NKD2: variants seen among roughly 807,000 people sequenced by gnomAD.
NKD2 encodes protein naked cuticle homolog 2.
In NKD2, 43 loss-of-function variants were observed where a neutral mutation model predicts 34.8. That is an observed-to-expected ratio of 1.24 (90% confidence interval 0.97 to 1.60). The LOEUF (loss-of-function observed/expected upper bound fraction) is 1.60, where lower values mean the gene tolerates loss of function less well. Among genes scored for constraint, NKD2 ranks in the 40% most tolerant of loss-of-function variants. The pLI is 0.00. For missense variants in NKD2, 675 were observed against 627.1 expected, an observed-to-expected ratio of 1.08 and a Z score of -0.82; for synonymous variants, 278 against 265.1, an observed-to-expected ratio of 1.05 and a Z score of -0.47.
Position 1,037,876 on chromosome 5 carries a change from C to G in NKD2, c.859C>G (p.Gln287Glu). Residue 287 changes from glutamine to glutamate, a missense_variant, in exon 10 of 10, where the codon CAG becomes GAG. Physicochemically the swap from Gln to Glu is conservative, Grantham distance 29. Coordinates refer to ENST00000296849, the MANE Select transcript of NKD2 (RefSeq NM_033120.4). ...ASHLQARSRSQEPDTHAVHHR... is the reference protein window; with the variant it reads ...ASHLQARSRSEEPDTHAVHHR... ...GCACCTCCAGGCCCGGTCCCGCTCCCAGGAGCCAGATACACATGCCGTACA... is the reference window on the plus strand; with the variant it reads ...GCACCTCCAGGCCCGGTCCCGCTCCGAGGAGCCAGATACACATGCCGTACA... The G allele has an allele frequency of 1.2e-6, 2 of 1,604,438 alleles. No homozygotes were observed.
At position 1,038,889 on chromosome 5, in the gene NKD2, GGC is replaced by G. The variant is rs1734168027; in HGVS notation, c.*517_*518del. 3.4e-5 allele frequency: 8 copies of G among 238,610 alleles called. No individual in the cohort carries two copies. Among genetic ancestry groups the G allele is most frequent in the Admixed American group, 3.2e-4 (6 of 18,838 alleles). 14.8% of individuals were successfully genotyped at this position (238,610 alleles called of 1,614,324 possible). A position where few individuals can be genotyped will look rare whatever the true frequency, so the allele number is the denominator to read the frequency against. ...CTTGTGCTTAGCAGGGAGCATCCGC[GGC>G]TCCCCGCAGGAGGCCAAGCAGCAGA... On this transcript the variant is annotated 3_prime_UTR_variant, in exon 10 of 10. Coordinates refer to ENST00000296849, the MANE Select transcript of NKD2 (RefSeq NM_033120.4). The surrounding 1 kb of genome is among the most constrained non-coding windows in gnomAD (Gnocchi z 4.5).
intron 3 of NKD2, among the ~76,000 whole-genome samples, chr5:1,012,921 A>G (rs927821199): frequency 8.5e-5 from 13 of 152,232 alleles, no homozygotes; most frequent in Non-Finnish European, 1.9e-4. Flanking sequence ...AAAATTCTTC[A>G]TGGCTTCAAG....
intron 4 of NKD2, 77 bp from the exon 5 acceptor site, chr5:1,033,295 C>CA: frequency 7.4e-7 from 1 of 1,346,920 alleles, no homozygotes; most frequent in South Asian, 1.4e-5. Context: ...GAGGGGAGAG[C>CA]AGCGAGGGTC....
intron 3 of NKD2, among the ~76,000 whole-genome samples, chr5:1,010,828 G>A (rs1162587338): frequency 3.3e-5 from 5 of 152,228 alleles, no homozygotes; most frequent in South Asian, 4.1e-4. Flanking sequence ...CACCTCTCTC[G>A]TGGTCAGGGC....
chr5:1,012,560 C>T (rs920952265), intron 3 of NKD2, among the ~76,000 whole-genome samples: 2 of 152,254 alleles, frequency 1.3e-5, no homozygotes, highest in Admixed American at 1.3e-4. Context: ...CTGTCCAGGG[C>T]TGAGCTCCAG....
At chr5:1,035,541 C>T (rs1180561528) in intron 8 of NKD2, 68 bp downstream of exon 8, 3 of 1,273,756 alleles carry the variant, frequency 2.4e-6, no homozygotes, top group Non-Finnish European at 2.2e-6. Flanking sequence ...CCCCTGCTTC[C>T]CGCAGGCCAC....
At chr5:1,020,828 AGTC>A (rs1193152234) in intron 3 of NKD2, among the ~76,000 whole-genome samples, 1 of 152,040 alleles carries the variant, frequency 6.6e-6, no homozygotes, top group Non-Finnish European at 1.5e-5. Flanking sequence ...TGGTGTGGTC[AGTC>A]GTCCCCTTAG....
At position 1,009,757 on chromosome 5, in the gene NKD2, G is replaced by A. The variant is rs1755677505; in HGVS notation, c.141+197G>A. 6.6e-6 allele frequency among the ~76,000 whole-genome samples: 1 copy of A among 152,194 alleles called. No homozygotes were observed. Reference sequence around the variant, plus strand: ...TGGGGCTCCCGTGGGGCGAGCCCTTGCTAGTGTCCCATGCTGAGTGGCGGG... The same window carrying A: ...TGGGGCTCCCGTGGGGCGAGCCCTTACTAGTGTCCCATGCTGAGTGGCGGG... On this transcript the variant is annotated intron_variant, in intron 3 of 9. Coordinates refer to ENST00000296849, the MANE Select transcript of NKD2 (RefSeq NM_033120.4). This position sits in a 1 kb window ranked among gnomAD's most constrained non-coding sequence, Gnocchi z 6.9.
intron 3 of NKD2, among the ~76,000 whole-genome samples, chr5:1,016,483 T>C (rs1459832064): frequency 6.6e-6 from 1 of 152,124 alleles, no homozygotes; most frequent in Non-Finnish European, 1.5e-5. Flanking sequence ...AAATCGTAAA[T>C]AGTTTTGCGC....
At chr5:1,027,737 C>T (rs908755869) in intron 3 of NKD2, among the ~76,000 whole-genome samples, 95 of 152,252 alleles carry the variant, frequency 6.2e-4, no homozygotes, top group African/African-American at 2.1e-3. Flanking sequence ...CTGTGGCCAA[C>T]AGCTGCCCTC....
At position 1,034,791 on chromosome 5, in the gene NKD2, C is replaced by T. The variant is rs757763041; in HGVS notation, c.462C>T (p.Val154=). ...MSSLMHTIYE[V]VDASVNHSSG... ...GCCTCATGCACACCATCTATGAGGT[C>T]GTGGATGCCTCGGTCAACCACTCCT... Residue 154 remains valine, a synonymous_variant, in exon 7 of 10, where the codon GTC becomes GTT. Transcript: ENST00000296849. 4.3e-6 allele frequency: 7 copies of T among 1,612,782 alleles called. No individual in the cohort carries two copies. Among genetic ancestry groups the T allele is most frequent in the Admixed American group, 1.7e-5 (1 of 60,006 alleles).
intron 3 of NKD2, among the ~76,000 whole-genome samples, chr5:1,021,763 C>G (rs1037852084): frequency 6.6e-6 from 1 of 152,092 alleles, no homozygotes; most frequent in African/African-American, 2.4e-5. Context: ...ACACTCTCTT[C>G]CGCAGACGCC....
intron 9 of NKD2, chr5:1,037,476 C>T (rs1055873339): frequency 2.6e-6 from 4 of 1,516,476 alleles, no homozygotes; most frequent in African/African-American, 2.8e-5. Context: ...CTGGGGGCGC[C>T]CTCCCTGATA....
intron 3 of NKD2, among the ~76,000 whole-genome samples, chr5:1,021,222 A>G (rs1458855929): frequency 6.6e-6 from 1 of 152,154 alleles, no homozygotes; most frequent in African/African-American, 2.4e-5. Context: ...ACCGATGGGC[A>G]AAATCTGCAA....
chr5:1,016,707 T>C (rs1284641020), intron 3 of NKD2, among the ~76,000 whole-genome samples: 1 of 152,232 alleles, frequency 6.6e-6, no homozygotes, highest in African/African-American at 2.4e-5. Context: ...CCACCTGCCC[T>C]TAAGGCCGTG....
rs747856338 is a variant in NKD2 at position 1,038,122 on chromosome 5, G to A, written c.1105G>A (p.Gly369Ser). ...CCTGCCGCCCCAGGCCCCTCAGGAC[G>A]GCCACCACCTCCCGCAGCCCCCACC... The part of the protein sequence containing the change: ...AVLPPQAPQD[G>S]HHLPQPPPPP... Residue 369 changes from glycine to serine, a missense_variant, in exon 10 of 10, where the codon GGC becomes AGC. By Grantham distance (56) the Gly-to-Ser change is moderately conservative. Coordinates refer to ENST00000296849, the MANE Select transcript of NKD2 (RefSeq NM_033120.4). The surrounding 1 kb of genome is among the most constrained non-coding windows in gnomAD (Gnocchi z 4.5). 5.0e-5 allele frequency: 80 copies of A among 1,595,630 alleles called. No individual in the cohort carries two copies. The highest frequency in any genetic ancestry group is 3.3e-4 in the Middle Eastern group (2 of 6,042).
intron 9 of NKD2, 91 bp downstream of exon 9, chr5:1,036,475 C>T: frequency 3.1e-6 from 3 of 964,076 alleles, no homozygotes; most frequent in Non-Finnish European, 4.6e-6. Flanking sequence ...GCAGGGGGCC[C>T]CTCCCTGCCC....
intron 3 of NKD2, among the ~76,000 whole-genome samples, chr5:1,027,026 AG>A (rs1451985370): frequency 2.0e-5 from 3 of 152,246 alleles, no homozygotes; most frequent in Non-Finnish European, 4.4e-5. Flanking sequence ...GGGTGGCCAC[AG>A]GGGTGGTGAC....
At chr5:1,035,367 A>G (rs12657514) in intron 7 of NKD2, 22 bp from the exon 8 acceptor site, 1,527,981 of 1,546,602 alleles carry the variant, frequency 0.99, 756,601 homozygotes, top group East Asian at 1. Context: ...GGGAGTGAGT[A>G]ATGGCAGGAC....
Sources: allele counts gnomAD v4.1 joint callset (sites outside exome capture counted in the v4.1 genomes callset), GRCh38; gene constraint gnomAD v4.1.1; non-coding constraint Gnocchi (gnomAD v3.1); transcripts MANE v1.5; gene names NCBI Gene and HGNC (gene_info 2026-07-23, HGNC 2026-07-21).